CWC27: variants seen among roughly 807,000 people sequenced by gnomAD.
CWC27 encodes spliceosome-associated protein CWC27 homolog.
Under a neutral mutation model 63.6 loss-of-function variants are expected in CWC27, and 47 were observed. The observed-to-expected ratio is 0.74, with a 90% CI of 0.58 to 0.94. The LOEUF is 0.94. Ranked by LOEUF, CWC27 falls within the 40% of genes least tolerant of loss-of-function variation. The pLI, the probability that CWC27 is intolerant of heterozygous loss-of-function variation, is 0.00. For synonymous variants in CWC27, 175 were observed against 179.8 expected (o/e 0.97, Z 0.22); for missense variants, 495 against 554.3 (o/e 0.89, Z 1.07).
intron 13 of CWC27, among the ~76,000 whole-genome samples, chr5:65,015,941 A>G (rs903566285): frequency 6.6e-6 from 1 of 152,240 alleles, no homozygotes; most frequent in Non-Finnish European, 1.5e-5. Context: ...GCCAACTTTC[A>G]AAAGCATGTG....
intron 11 of CWC27, among the ~76,000 whole-genome samples, chr5:64,920,991 G>C (rs1747985226): frequency 1.3e-5 from 2 of 151,866 alleles, no homozygotes; most frequent in Non-Finnish European, 2.9e-5. Flanking sequence ...CTTCTGCTAG[G>C]CTTTGGGGTT....
At chr5:64,780,624 T>C (rs1008256985) in intron 2 of CWC27, among the ~76,000 whole-genome samples, 22 of 148,300 alleles carry the variant, frequency 1.5e-4, no homozygotes, top group African/African-American at 5.4e-4. Flanking sequence ...ATGTGAACTA[T>C]ATATATTTAC....
chr5:64,958,668 T>G (rs1748847066), intron 11 of CWC27, among the ~76,000 whole-genome samples: 6 of 152,182 alleles, frequency 3.9e-5, no homozygotes, highest in Admixed American at 3.9e-4. Flanking sequence ...TGCATAAATT[T>G]TAACTGTATT....
At chr5:64,925,730 AAAGTCCTC>A (rs1335421225) in intron 11 of CWC27, among the ~76,000 whole-genome samples, 67 of 152,210 alleles carry the variant, frequency 4.4e-4, no homozygotes, top group African/African-American at 1.6e-3. Context: ...ACATGTATAC[AAAGTCCTC>A]AAGTTCTGCA....
At chr5:64,963,221 C>A (rs1390752261) in intron 11 of CWC27, among the ~76,000 whole-genome samples, 1 of 152,086 alleles carries the variant, frequency 6.6e-6, no homozygotes, top group Non-Finnish European at 1.5e-5. Context: ...CTCCGCCTCC[C>A]AAAGTGCTCA....
At chr5:64,863,704 G>A (rs576362142) in intron 10 of CWC27, among the ~76,000 whole-genome samples, 12 of 152,136 alleles carry the variant, frequency 7.9e-5, no homozygotes, top group African/African-American at 2.9e-4. Flanking sequence ...GCCCAGGCTG[G>A]TCTCAAACTC....
chr5:64,983,545 T>A (rs1254361649), intron 13 of CWC27, among the ~76,000 whole-genome samples: 1 of 152,254 alleles, frequency 6.6e-6, no homozygotes, highest in African/African-American at 2.4e-5. Context: ...CCTTTTTTAA[T>A]CACAGATTAT....
chr5:64,806,678 A>T (rs1744684604), intron 10 of CWC27, among the ~76,000 whole-genome samples: 1 of 152,078 alleles, frequency 6.6e-6, no homozygotes, highest in Non-Finnish European at 1.5e-5. Context: ...TTCAGTTCAT[A>T]AAGTTGCCAA....
intron 2 of CWC27, among the ~76,000 whole-genome samples, chr5:64,780,717 A>C (rs1325913511): frequency 1.3e-5 from 2 of 150,764 alleles, no homozygotes; most frequent in African/African-American, 4.9e-5. Context: ...ACACACACAC[A>C]CCGGAATCAT....
At chr5:65,009,294 G>A (rs912019304) in intron 13 of CWC27, among the ~76,000 whole-genome samples, 4 of 152,156 alleles carry the variant, frequency 2.6e-5, no homozygotes, top group East Asian at 3.9e-4. Flanking sequence ...CCACCCCCAT[G>A]ACCCAAACAC....
At chr5:64,953,004 A>G (rs1748739936) in intron 11 of CWC27, among the ~76,000 whole-genome samples, 1 of 152,166 alleles carries the variant, frequency 6.6e-6, no homozygotes, top group African/African-American at 2.4e-5. Flanking sequence ...ACTTTATTCC[A>G]TGCTTTGCCA....
chr5:64,886,819 T>A (rs115160553), intron 11 of CWC27, among the ~76,000 whole-genome samples: 2,350 of 152,114 alleles, frequency 0.015, 50 homozygotes, highest in African/African-American at 0.055. Flanking sequence ...AATAAACAAT[T>A]TAGAAGAAGG....
At chr5:65,015,147 AT>A (rs1421279419) in intron 13 of CWC27, among the ~76,000 whole-genome samples, 1 of 151,978 alleles carries the variant, frequency 6.6e-6, no homozygotes, top group African/African-American at 2.4e-5. Flanking sequence ...TCTAGAGTTC[AT>A]TTTTTATACC....
chr5:64,855,878 A>G (rs1308574203), intron 10 of CWC27, among the ~76,000 whole-genome samples: 2 of 152,110 alleles, frequency 1.3e-5, no homozygotes, highest in African/African-American at 4.8e-5. Flanking sequence ...TTAGAGAAAG[A>G]AATTCTTTCC....
chr5:65,015,478 ACAGCCAG>A (rs1471282744), intron 13 of CWC27, among the ~76,000 whole-genome samples: 1 of 152,228 alleles, frequency 6.6e-6, no homozygotes, highest in Non-Finnish European at 1.5e-5. Context: ...AGACATCAAC[ACAGCCAG>A]CCCGTAAGCA....
chr5:64,890,518 G>A (rs55715201), intron 11 of CWC27, among the ~76,000 whole-genome samples: 1 of 152,150 alleles, frequency 6.6e-6, no homozygotes, highest in Non-Finnish European at 1.5e-5. Context: ...CTTTTCCAAA[G>A]CAGTTAACTT....
intron 11 of CWC27, among the ~76,000 whole-genome samples, chr5:64,892,433 A>G (rs997691367): frequency 2.0e-5 from 3 of 152,218 alleles, no homozygotes; most frequent in African/African-American, 7.2e-5. Flanking sequence ...TCAGAAATGT[A>G]GAAAGGCATA....
At chr5:64,805,535 G>A (rs575016266) in intron 10 of CWC27, among the ~76,000 whole-genome samples, 1 of 151,796 alleles carries the variant, frequency 6.6e-6, no homozygotes, top group East Asian at 1.9e-4. Context: ...TTCAAGGCAT[G>A]TGTTTTCTGA....
At chr5:64,784,676 A>C (rs1388916267) in intron 4 of CWC27, among the ~76,000 whole-genome samples, 4 of 152,226 alleles carry the variant, frequency 2.6e-5, no homozygotes, top group African/African-American at 7.2e-5. Flanking sequence ...AGGGAAAAAA[A>C]CAAATTCAGT....
Sources: allele counts gnomAD v4.1 joint callset (sites outside exome capture counted in the v4.1 genomes callset), GRCh38; gene constraint gnomAD v4.1.1; transcripts MANE v1.5; gene names NCBI Gene and HGNC (gene_info 2026-07-23, HGNC 2026-07-21).